CPED1: variants seen among roughly 807,000 people sequenced by gnomAD.
CPED1 encodes the protein cadherin like and PC-esterase domain containing 1.
Under a neutral mutation model 128.2 loss-of-function variants are expected in CPED1, and 114 were observed. That is an observed-to-expected ratio of 0.89 (90% CI 0.76 to 1.04). CPED1 has a LOEUF of 1.04. Ranked by LOEUF, CPED1 falls within the 50% of genes least tolerant of loss-of-function variation. CPED1 has a pLI of 0.00. For synonymous variants in CPED1, 462 were observed against 426.7 expected, an observed-to-expected ratio of 1.08 and a Z score of -1.02; for missense variants, 1,211 against 1,207.1, an observed-to-expected ratio of 1.00 and a Z score of -0.05.
intron 2 of CPED1, among the ~76,000 whole-genome samples, chr7:120,998,046 A>C (rs1796440106): frequency 6.6e-6 from 1 of 152,178 alleles, no homozygotes; most frequent in Admixed American, 6.5e-5. Flanking sequence ...GTAATGTTGA[A>C]GGCAGAGATT....
chr7:121,005,026 A>C (rs1204637193), intron 2 of CPED1, among the ~76,000 whole-genome samples: 2 of 152,192 alleles, frequency 1.3e-5, no homozygotes, highest in African/African-American at 2.4e-5. Flanking sequence ...TGGCTTATTT[A>C]GTATTTTAAA....
rs1794386297 is a variant in CPED1 at position 121,085,023 on chromosome 7, C to G, written c.617-12676C>G. ...CAAATGCTCCCTTTGTCTCAGAGAT[C>G]ACTTCCTATGTATTCATAAGTACAA... On this transcript the variant is annotated intron_variant, in intron 5 of 22. Coordinates refer to ENST00000310396, the MANE Select transcript of CPED1 (RefSeq NM_024913.5). 2.0e-5 allele frequency among the ~76,000 whole-genome samples: 3 copies of G among 152,228 alleles called. No homozygotes were observed. The South Asian group carries it at 6.2e-4, about 32-fold the overall frequency.
intron 7 of CPED1, among the ~76,000 whole-genome samples, chr7:121,103,274 T>G (rs1421873937): frequency 6.6e-6 from 1 of 152,136 alleles, no homozygotes; most frequent in Non-Finnish European, 1.5e-5. Context: ...GATTTATCTT[T>G]TCAAGATCTT....
chr7:121,006,920 A>G (rs904769264), intron 2 of CPED1, among the ~76,000 whole-genome samples: 1 of 152,138 alleles, frequency 6.6e-6, no homozygotes, highest in African/African-American at 2.4e-5. Context: ...CAGAAAAGGG[A>G]AAGAGTATAG....
rs115911231 is a variant in CPED1, at chr7:121,264,368, A to G, written c.2311-1859A>G. Among the ~76,000 whole-genome samples the G allele has an allele frequency of 7.5e-3, 1,142 of 152,204 alleles. 16 individuals carry two copies. The highest frequency in any genetic ancestry group is 0.025 in the African/African-American group (1,059 of 41,548). The stretch of plus-strand genomic sequence containing the variant: ...AGAAATGTAGACAAGAAAATCAAAC[A>G]TAAATAGTGAAAGGTTGAATGTAGT... On this transcript the variant is annotated intron_variant, in intron 18 of 22. Coordinates refer to ENST00000310396, the MANE Select transcript of CPED1 (RefSeq NM_024913.5).
Position 121,295,576 on chromosome 7 carries a change from A to T in CPED1, c.3005A>T (p.His1002Leu), listed in dbSNP as rs777004852. The change falls in exon 23 of 23, where the codon CAT (histidine) becomes CTT (leucine). Residue 1002 changes from histidine to leucine, a missense_variant. Coordinates refer to ENST00000310396, the MANE Select transcript of CPED1 (RefSeq NM_024913.5). The stretch of plus-strand genomic sequence containing the variant: ...GTAACAAATTTTCGATCGCCATATC[A>T]TGTCAGAGGTCCAATAAATCAGGTT... ...GTVTNFRSPYHVRGPINQVCS... is the reference protein window; with the variant it reads ...GTVTNFRSPYLVRGPINQVCS... 3 of 1,613,974 alleles carry T rather than the reference A, an allele frequency of 1.9e-6. No homozygotes were observed. The highest frequency in any genetic ancestry group is 2.7e-5 in the African/African-American group (2 of 74,920).
chr7:121,119,412 G>A (rs991357823), intron 7 of CPED1, among the ~76,000 whole-genome samples: 1 of 150,612 alleles, frequency 6.6e-6, no homozygotes, highest in Non-Finnish European at 1.5e-5. Flanking sequence ...TGATCCACCC[G>A]CTTCGGCCTC....
intron 5 of CPED1, among the ~76,000 whole-genome samples, chr7:121,083,153 C>T (rs1278990981): frequency 6.6e-6 from 1 of 152,112 alleles, no homozygotes; most frequent in African/African-American, 2.4e-5. Context: ...TTTCTGTTAC[C>T]TCTTTTCTGA....
intron 16 of CPED1, among the ~76,000 whole-genome samples, chr7:121,191,003 T>C (rs1313783453): frequency 1.3e-5 from 2 of 152,152 alleles, no homozygotes; most frequent in African/African-American, 4.8e-5. Context: ...GTCTGGCCAG[T>C]CTTGGCTGTT....
intron 5 of CPED1, chr7:121,076,762 T>G (rs766595022): frequency 6.6e-6 from 1 of 152,164 alleles, no homozygotes; most frequent in Non-Finnish European, 1.5e-5. Flanking sequence ...AGGGAATAAA[T>G]CTGCTATTTC....
chr7:121,064,345 CA>C (rs753040673), intron 5 of CPED1, 32 bp downstream of exon 5: 1 of 1,475,922 alleles, frequency 6.8e-7, no homozygotes, highest in Admixed American at 1.7e-5. Context: ...TAGGCTTAAA[CA>C]TGTGAGATAT....
intron 3 of CPED1, 45 bp downstream of exon 3, chr7:121,015,893 T>C (rs1456502961): frequency 7.7e-7 from 1 of 1,302,710 alleles, no homozygotes; most frequent in African/African-American, 1.5e-5. Context: ...TGACATATAA[T>C]GTTGAACAAT....
rs140183112 is a variant in CPED1, at chr7:121,176,216, A to AAAAAAAC, written c.2055+34075_2055+34076insAAAAAAC. On this transcript the variant is annotated intron_variant, in intron 16 of 22. Coordinates refer to ENST00000310396, the MANE Select transcript of CPED1 (RefSeq NM_024913.5). Reference sequence around the variant, plus strand: ...TGGAAAAAAAAAAAAAAAAAAAAAAACACCTCTGGAAATAACTTGAATTGC... The same window carrying AAAAAAAC: ...TGGAAAAAAAAAAAAAAAAAAAAAAAAAAAAACCACCTCTGGAAATAACTTGAATTGC... Among the ~76,000 whole-genome samples the AAAAAAAC allele has an allele frequency of 2.1e-5, 2 of 93,036 alleles. 1 individual carries two copies. Among genetic ancestry groups the AAAAAAAC allele is most frequent in the African/African-American group, 9.0e-5 (2 of 22,286 alleles). The allele number at this position is 93,036 out of a possible 152,430, so 61.0% of individuals were successfully genotyped here.
intron 14 of CPED1, 149 bp from the exon 15 acceptor site, chr7:121,140,678 A>C: frequency 1.7e-6 from 1 of 582,622 alleles, no homozygotes; most frequent in Admixed American, 3.6e-5. Context: ...GCCACAAATC[A>C]ACTATGATCA....
intron 10 of CPED1, among the ~76,000 whole-genome samples, chr7:121,128,160 T>C (rs571599414): frequency 6.6e-6 from 1 of 152,332 alleles, no homozygotes; most frequent in African/African-American, 2.4e-5. Flanking sequence ...TACCAAAGCA[T>C]CATTGAGCTA....
intron 16 of CPED1, among the ~76,000 whole-genome samples, chr7:121,145,899 A>G (rs1796014167): frequency 6.6e-6 from 1 of 152,068 alleles, no homozygotes; most frequent in Non-Finnish European, 1.5e-5. Context: ...TTAAATCCCC[A>G]AAGCCTATGC....
At position 121,154,038 on chromosome 7, in the gene CPED1, C is replaced by T. The variant is rs552397532; in HGVS notation, c.2055+11897C>T. On this transcript the variant is annotated intron_variant, in intron 16 of 22. Coordinates refer to ENST00000310396, the MANE Select transcript of CPED1 (RefSeq NM_024913.5). ...TACAGACTATACATGGTGCCATTCC[C>T]AGTCCAGAGAAATATAAACAAATGT... 4.6e-5 allele frequency among the ~76,000 whole-genome samples: 7 copies of T among 152,240 alleles called. No homozygotes were observed. The South Asian group carries it at 1.5e-3, about 32-fold the overall frequency.
At chr7:121,185,683 A>C (rs1796986992) in intron 16 of CPED1, among the ~76,000 whole-genome samples, 1 of 152,188 alleles carries the variant, frequency 6.6e-6, no homozygotes, top group Admixed American at 6.5e-5. Flanking sequence ...CGGGAATGCA[A>C]AACTCAGCAA....
intron 22 of CPED1, among the ~76,000 whole-genome samples, chr7:121,286,799 G>T (rs1247424510): frequency 2.0e-5 from 3 of 152,076 alleles, no homozygotes; most frequent in Non-Finnish European, 4.4e-5. Context: ...ACTACACCTG[G>T]TGTATTAGTC....
Sources: gnomAD v4.1 joint callset for allele counts (sites outside exome capture counted in the v4.1 genomes callset) on GRCh38, gnomAD v4.1.1 for gene constraint, MANE v1.5 for transcripts, NCBI Gene and HGNC (gene_info 2026-07-23, HGNC 2026-07-21) for gene names.